Variants in KIF12 observed in about 807,000 individuals in gnomAD.
The protein encoded by KIF12 is kinesin-like protein KIF12.
KIF12 carries 80 observed loss-of-function variants against 87.9 expected under a neutral mutation model. The observed-to-expected ratio is 0.91, with a 90% CI of 0.76 to 1.10. The LOEUF (loss-of-function observed/expected upper bound fraction) is 1.10. KIF12 is among the 50% of genes least tolerant of loss of function. The pLI is 0.00. For missense variants in KIF12, 819 were observed against 865.3 expected, an observed-to-expected ratio of 0.95 and a Z score of 0.67; for synonymous variants, 353 against 348.5, an observed-to-expected ratio of 1.01 and a Z score of -0.14.
At position 114,091,721 on chromosome 9, in the gene KIF12, AC is replaced by A. The variant is rs771523637; in HGVS notation, c.*139del. ...GAATCCCCTTGTTCCCCTAAATAGC[AC>A]CCCCAGTCCCCGCCCCTAGCCCAGC... On this transcript the variant is annotated 3_prime_UTR_variant, in exon 19 of 19. Coordinates refer to ENST00000640217, the MANE Select transcript of KIF12 (RefSeq NM_001388308.1). 576 of 812,116 alleles carry A rather than the reference AC, an allele frequency of 7.1e-4. 1 individual carries two copies. Among genetic ancestry groups the A allele is most frequent in the Non-Finnish European group, 1.0e-3 (545 of 541,414 alleles). The allele number at this position is 812,116 out of a possible 1,614,324, so 50.3% of individuals were successfully genotyped here.
Position 114,092,633 on chromosome 9 carries a change from G to T in KIF12, c.1606C>A (p.Pro536Thr). ...GGGGGCCTGCCACCTGAGGCCTCAG[G>T]GTCCAACACCTGTAGGAAAGACCAG... is the stretch of plus-strand genomic sequence containing the variant. ...GEHHLPQVLD[P>T]EASGGRPPSA... The change falls in exon 17 of 19, where the codon CCT becomes ACT. Residue 536 changes from proline to threonine, a missense_variant. By Grantham distance (38) the Pro-to-Thr change is conservative (BLOSUM62 -1). Coordinates refer to ENST00000640217, the MANE Select transcript of KIF12 (RefSeq NM_001388308.1). 6.3e-7 allele frequency: 1 copy of T among 1,589,968 alleles called. No homozygotes were observed.
Position 114,098,439 on chromosome 9 carries a change from G to A in KIF12, c.172-10C>T. 7.2e-7 allele frequency: 1 copy of A among 1,394,624 alleles called. No individual in the cohort carries two copies. The highest frequency in any genetic ancestry group is 9.4e-7 in the Non-Finnish European group (1 of 1,060,002). The allele number at this position is 1,394,624 out of a possible 1,614,324, so 86.4% of individuals were successfully genotyped here. Reference sequence around the variant, plus strand: ...CGCCTGGAGGACTCACCTGGCGCGGGTGGGGCGGAGGAGCGGGGCACTCTG... The same window carrying A: ...CGCCTGGAGGACTCACCTGGCGCGGATGGGGCGGAGGAGCGGGGCACTCTG... On this transcript the variant is annotated splice_polypyrimidine_tract_variant and intron_variant, in intron 3 of 18. Transcript: ENST00000640217.
In KIF12 at chr9:114,094,235, T is replaced by C; in HGVS notation, c.1259A>G (p.Gln420Arg). The C allele has an allele frequency of 6.2e-7, 1 of 1,614,034 alleles. No individual in the cohort carries two copies. The highest frequency in any genetic ancestry group is 2.2e-5 in the East Asian group (1 of 44,876). Reference protein sequence around the residue: ...GLSGARVAWAQRNLYGMLQEF... With the variant: ...GLSGARVAWARRNLYGMLQEF... ...CTGTAGCATCCCGTACAGGTTCCGC[T>C]GGGCCCAGGCCACCCGGGCTCCACT... The change falls in exon 13 of 19, where the codon CAG (glutamine) becomes CGG (arginine). Residue 420 changes from glutamine to arginine, a missense_variant. By Grantham distance (43) the Gln-to-Arg change is conservative. Transcript: ENST00000640217.
rs1182929501 is a variant in KIF12 at position 114,094,231 on chromosome 9, CCG to C, written c.1261_1262del (p.Arg421GlufsTer14). Reference sequence around the variant, plus strand: ...ACTCCTGTAGCATCCCGTACAGGTTCCGCTGGGCCCAGGCCACCCGGGCTCCA... The same window carrying C: ...ACTCCTGTAGCATCCCGTACAGGTTCCTGGGCCCAGGCCACCCGGGCTCCA... ...LSGARVAWAQ[R>X]NLYGMLQEFM... is the part of the protein sequence containing the mutation. On this transcript the variant is annotated frameshift_variant, in exon 13 of 19. Coordinates refer to ENST00000640217, the MANE Select transcript of KIF12 (RefSeq NM_001388308.1). LOFTEE classifies it high-confidence loss of function. The C allele has an allele frequency of 1.2e-6, 2 of 1,613,930 alleles. No individual in the cohort carries two copies. The highest frequency in any genetic ancestry group is 2.7e-5 in the African/African-American group (2 of 74,918).
chr9:114,092,387 G>A lies in KIF12; in HGVS notation c.1762C>T (p.Pro588Ser). 1.2e-6 allele frequency: 2 copies of A among 1,612,480 alleles called. No individual in the cohort carries two copies. The highest frequency in any genetic ancestry group is 2.2e-5 in the South Asian group (2 of 90,902). The change falls in exon 18 of 19, where the codon CCT becomes TCT. Residue 588 changes from proline (P) to serine (S), a missense_variant. Transcript: ENST00000640217. ...CTCACAGGCAGGGGAGGTGCAGAAG[G>A]TACCACCTCCTCCTCCGTCAACATC... ...AEMLTEEEVV[P>S]SAPPLPVRPP...
chr9:114,098,095 C>T lies in KIF12; in HGVS notation c.375+20G>A. The T allele has an allele frequency of 1.3e-6, 2 of 1,542,668 alleles. No homozygotes were observed. The highest frequency in any genetic ancestry group is 1.7e-6 in the Non-Finnish European group (2 of 1,144,678). On this transcript the variant is annotated intron_variant, in intron 5 of 18. Coordinates refer to ENST00000640217, the MANE Select transcript of KIF12 (RefSeq NM_001388308.1). ...CCCACCCAGCCCCGCCCCGCGGGGG[C>T]GCCGCCGGCGCTCGCTCACCTGGGG...
chr9:114,091,850 C>T lies in KIF12; in HGVS notation c.*11G>A. ...GGTCACACAGCAGTCTCCTGGGTTCCCACTTGGCCTTCAATGGGGAGGGAG... is the reference window on the plus strand; with the variant it reads ...GGTCACACAGCAGTCTCCTGGGTTCTCACTTGGCCTTCAATGGGGAGGGAG... On this transcript the variant is annotated 3_prime_UTR_variant, in exon 19 of 19. Coordinates refer to ENST00000640217, the MANE Select transcript of KIF12 (RefSeq NM_001388308.1). The T allele has an allele frequency of 1.3e-6, 2 of 1,590,034 alleles. No homozygotes were observed. The highest frequency in any genetic ancestry group is 8.6e-7 in the Non-Finnish European group (1 of 1,163,310).
At position 114,096,389 on chromosome 9, in the gene KIF12, T is replaced by C. The variant is rs1321391996; in HGVS notation, c.736A>G (p.Thr246Ala). Residue 246 changes from threonine to alanine, a missense_variant and splice_region_variant, in exon 8 of 19, where the codon ACT (threonine) becomes GCT (alanine). By Grantham distance (58) the Thr-to-Ala change is moderately conservative. Coordinates refer to ENST00000640217, the MANE Select transcript of KIF12 (RefSeq NM_001388308.1). ...ALLTLYISRQ[T>A]AQQMPSVDPG... ...CCTTCCCAGGCTGGAGCACTCACAGTTTGACGGCTGATGTAAAGGGTGAGC... is the reference window on the plus strand; with the variant it reads ...CCTTCCCAGGCTGGAGCACTCACAGCTTGACGGCTGATGTAAAGGGTGAGC... 1 of 1,612,448 alleles carries C rather than the reference T, an allele frequency of 6.2e-7. No individual in the cohort carries two copies. The highest frequency in any genetic ancestry group is 8.5e-7 in the Non-Finnish European group (1 of 1,179,416).
chr9:114,093,944 G>C lies in KIF12; in HGVS notation c.1342C>G (p.Arg448Gly). ...CGCTGCTCATTCTGGGCCAGGTCTC[G>C]GCTATTCTGCAGCTGGCTCTTTTCT... ...RKEKSQLQNS[R>G]DLAQNEQRIL... The change falls in exon 14 of 19, where the codon CGA becomes GGA. Residue 448 changes from arginine (R) to glycine (G), a missense_variant. Arg to Gly is a moderately radical substitution (Grantham distance 125). Coordinates refer to ENST00000640217, the MANE Select transcript of KIF12 (RefSeq NM_001388308.1). The C allele has an allele frequency of 6.2e-7, 1 of 1,614,094 alleles. No individual in the cohort carries two copies.
chr9:114,094,276 A>C lies in KIF12; in HGVS notation c.1223-5T>G, dbSNP rs1847115760. 1.2e-6 allele frequency: 2 copies of C among 1,613,796 alleles called. No individual in the cohort carries two copies. Among genetic ancestry groups the C allele is most frequent in the Non-Finnish European group, 8.5e-7 (1 of 1,179,836 alleles). On this transcript the variant is annotated splice_region_variant and splice_polypyrimidine_tract_variant and intron_variant, in intron 12 of 18. Coordinates refer to ENST00000640217, the MANE Select transcript of KIF12 (RefSeq NM_001388308.1). ...GGGCTCCACTGAGCCCTGAGGCTGC[A>C]GGGAAGCAGGAGGTGGTGGATCCAC...
Position 114,097,679 on chromosome 9 carries a change from C to A in KIF12, c.438G>T (p.Leu146=). 1.2e-6 allele frequency: 2 copies of A among 1,614,176 alleles called. No individual in the cohort carries two copies. The highest frequency in any genetic ancestry group is 1.7e-6 in the Non-Finnish European group (2 of 1,180,032). The part of the protein sequence containing the change: ...AGIMQRTFAW[L]LDRVQHLGAP... ...CACCCAGGTGCTGCACGCGGTCCAA[C>A]AGCCAGGCGAAGGTCCTCTGCATGA... Residue 146 remains leucine, a synonymous_variant, in exon 6 of 19, where the codon CTG becomes CTT. Transcript: ENST00000640217.
At chr9:114,096,560 T>C (rs1450925633) in intron 7 of KIF12, 82 bp from the exon 8 acceptor site, 4 of 1,210,514 alleles carry the variant, frequency 3.3e-6, no homozygotes, top group East Asian at 2.5e-5. Context: ...AAAGGAATCC[T>C]GGCGGAAGGG....
rs748381825 is a variant in KIF12, at chr9:114,094,373, A to T, written c.1202T>A (p.Leu401Gln). 5 of 1,613,768 alleles carry T rather than the reference A, an allele frequency of 3.1e-6. No individual in the cohort carries two copies. The South Asian group carries it at 5.5e-5, about 18-fold the overall frequency. Reference sequence around the variant, plus strand: ...CATACCCTTGCAGTCCATTTGGTCCAGCTGGAACTGCAGGCGACGGTTCTC... The same window carrying T: ...CATACCCTTGCAGTCCATTTGGTCCTGCTGGAACTGCAGGCGACGGTTCTC... The part of the protein sequence containing the change: ...QEENRRLQFQ[L>Q]DQMDCKASGL... Residue 401 changes from leucine (L) to glutamine (Q), a missense_variant, in exon 12 of 19, where the codon CTG becomes CAG. By Grantham distance (113) the Leu-to-Gln change is moderately radical. Coordinates refer to ENST00000640217, the MANE Select transcript of KIF12 (RefSeq NM_001388308.1).
chr9:114,097,167 T>C (rs1037253489), intron 7 of KIF12, 134 bp downstream of exon 7: 3 of 1,199,666 alleles, frequency 2.5e-6, no homozygotes, highest in Non-Finnish European at 3.4e-6. Context: ...AATTGTGGTT[T>C]ACTGGTCCTT....
chr9:114,098,798 G>A (rs1847358588), intron 3 of KIF12, 137 bp downstream of exon 3: 2 of 956,018 alleles, frequency 2.1e-6, no homozygotes, highest in Admixed American at 2.5e-5. Context: ...GGAAGGGAGG[G>A]GCACTCTGGG....
rs763668900 is a variant in KIF12 at position 114,092,566 on chromosome 9, C to T, written c.1673G>A (p.Gly558Asp). Reference sequence around the variant, plus strand: ...CCTCTCTCTTGGGCACTTGGCAGAGCCAGGGCTGCATGGGGGTGCCCAGGG... The same window carrying T: ...CCTCTCTCTTGGGCACTTGGCAGAGTCAGGGCTGCATGGGGGTGCCCAGGG... ...PPPWAPPCSP[G>D]SAKCPRERSH... The change falls in exon 17 of 19, where the codon GGC becomes GAC. Residue 558 changes from glycine (G) to aspartate (D), a missense_variant. By Grantham distance (94) the Gly-to-Asp change is moderately conservative (BLOSUM62 -1). Transcript: ENST00000640217. The T allele has an allele frequency of 1.6e-5, 26 of 1,610,400 alleles. No homozygotes were observed. The highest frequency in any genetic ancestry group is 2.0e-5 in the Non-Finnish European group (24 of 1,179,154).
chr9:114,092,346 T>C lies in KIF12; in HGVS notation c.1803A>G (p.Ser601=). 1 of 1,590,832 alleles carries C rather than the reference T, an allele frequency of 6.3e-7. No individual in the cohort carries two copies. The highest frequency in any genetic ancestry group is 8.5e-7 in the Non-Finnish European group (1 of 1,170,170). ...PPLPVRPPKT[S]PGLRGGAGVP... ...TCCCTTCTTCACCTCTGAGCCCTGG[T>C]GATGTCTTCGGGGGCCTCACAGGCA... The change falls in exon 18 of 19, where the codon TCA becomes TCG. Residue 601 remains serine, a synonymous_variant. Transcript: ENST00000640217.
At chr9:114,097,163 G>T in intron 7 of KIF12, 138 bp downstream of exon 7, 3 of 1,149,264 alleles carry the variant, frequency 2.6e-6, no homozygotes, top group South Asian at 3.4e-5. Context: ...TTTGAATTGT[G>T]GTTTACTGGT....
chr9:114,092,008 G>T lies in KIF12; in HGVS notation c.1817-8C>A, dbSNP rs1847016656. 1.9e-6 allele frequency: 3 copies of T among 1,608,838 alleles called. No individual in the cohort carries two copies. In the East Asian group the frequency reaches 6.7e-5, roughly 36 times the overall value. On this transcript the variant is annotated splice_polypyrimidine_tract_variant and splice_region_variant and intron_variant, in intron 18 of 18. Transcript: ENST00000640217. ...TTGGAACCCCGGCCCCACCTAAGGA[G>T]CAGTGAGACTCGAGGCCTGCCCTCT... is the stretch of plus-strand genomic sequence containing the variant.
Sources: gnomAD v4.1 joint callset for allele counts on GRCh38, gnomAD v4.1.1 for gene constraint, MANE v1.5 for transcripts, NCBI Gene and HGNC (gene_info 2026-07-23, HGNC 2026-07-21) for gene names.